The following GALNTL6 variants were observed in gnomAD, a reference collection of about 807,000 sequenced individuals.
GALNTL6 encodes the protein polypeptide N-acetylgalactosaminyltransferase like 6.
Under a neutral mutation model 73.7 loss-of-function variants are expected in GALNTL6, and 46 were observed. That is an observed-to-expected ratio of 0.62 (90% CI 0.49 to 0.80). GALNTL6 has a LOEUF of 0.80. GALNTL6 is among the 30% of genes least tolerant of loss of function. The pLI, the probability that GALNTL6 is intolerant of heterozygous loss-of-function variation, is 0.00. For missense variants in GALNTL6, 604 were observed against 755.0 expected, an observed-to-expected ratio of 0.80 and a Z score of 2.34; for synonymous variants, 259 against 263.7, an observed-to-expected ratio of 0.98 and a Z score of 0.17.
chr4:172,182,947 A>G (rs2060976344), intron 2 of GALNTL6, among the ~76,000 whole-genome samples: 1 of 152,170 alleles, frequency 6.6e-6, no homozygotes, highest in Non-Finnish European at 1.5e-5. Flanking sequence ...CATTCGCTCA[A>G]GGCCTTTGGG....
At chr4:172,269,306 C>A (rs1475198129) in intron 3 of GALNTL6, among the ~76,000 whole-genome samples, 1 of 152,114 alleles carries the variant, frequency 6.6e-6, no homozygotes, top group Non-Finnish European at 1.5e-5. Context: ...AGGTAAAAAT[C>A]AAGATATGGC....
At chr4:173,020,720 A>T (rs962749228) in intron 11 of GALNTL6, among the ~76,000 whole-genome samples, 1 of 152,222 alleles carries the variant, frequency 6.6e-6, no homozygotes, top group African/African-American at 2.4e-5. Flanking sequence ...AAATTTGGGC[A>T]AACTGTGTAG....
At chr4:172,180,080 T>C (rs865951686) in intron 2 of GALNTL6, among the ~76,000 whole-genome samples, 5 of 152,346 alleles carry the variant, frequency 3.3e-5, no homozygotes, top group South Asian at 2.1e-4. Flanking sequence ...AAAGTGTTCC[T>C]GTTTCTCCAC....
At chr4:172,691,308 G>A (rs565734508) in intron 5 of GALNTL6, among the ~76,000 whole-genome samples, 2 of 152,154 alleles carry the variant, frequency 1.3e-5, no homozygotes, top group Non-Finnish European at 2.9e-5. Context: ...GATAAATAAG[G>A]TTGAGAAAAC....
chr4:172,191,382 C>T (rs1467558852), intron 2 of GALNTL6, among the ~76,000 whole-genome samples: 4 of 152,164 alleles, frequency 2.6e-5, no homozygotes, highest in Non-Finnish European at 5.9e-5. Flanking sequence ...CAACTGCCCT[C>T]CCTGGAAACT....
chr4:172,334,154 C>A (rs1031439240), intron 4 of GALNTL6, among the ~76,000 whole-genome samples: 2 of 152,092 alleles, frequency 1.3e-5, no homozygotes, highest in Non-Finnish European at 2.9e-5. Flanking sequence ...GTTACTATAG[C>A]CTTGTAATAT....
At chr4:172,364,529 A>G (rs1331569465) in intron 5 of GALNTL6, among the ~76,000 whole-genome samples, 1 of 152,076 alleles carries the variant, frequency 6.6e-6, no homozygotes, top group African/African-American at 2.4e-5. Flanking sequence ...AAATTGAAAA[A>G]CCCTTTGATC....
chr4:172,260,715 A>G (rs776747125), intron 3 of GALNTL6, among the ~76,000 whole-genome samples: 1 of 151,576 alleles, frequency 6.6e-6, no homozygotes. Context: ...ACTTTTCCCC[A>G]TTCAGTATAA....
intron 7 of GALNTL6, among the ~76,000 whole-genome samples, chr4:172,815,974 C>T (rs921053862): frequency 6.6e-6 from 1 of 152,294 alleles, no homozygotes; most frequent in East Asian, 1.9e-4. Context: ...AGCAGCGTAT[C>T]GGCAATTTCA....
intron 2 of GALNTL6, among the ~76,000 whole-genome samples, chr4:171,896,625 G>T (rs1736924879): frequency 6.6e-6 from 1 of 152,166 alleles, no homozygotes; most frequent in African/African-American, 2.4e-5. Context: ...TGGTGGAAAG[G>T]ATAAGAGGTC....
At chr4:173,009,795 C>T (rs1262764341) in intron 11 of GALNTL6, among the ~76,000 whole-genome samples, 2 of 152,138 alleles carry the variant, frequency 1.3e-5, no homozygotes, top group Non-Finnish European at 2.9e-5. Context: ...AGCAACAGCA[C>T]CCCAACATGG....
intron 5 of GALNTL6, among the ~76,000 whole-genome samples, chr4:172,384,865 G>A (rs989203075): frequency 1.3e-4 from 20 of 151,948 alleles, no homozygotes; most frequent in African/African-American, 4.8e-4. Context: ...TTCTGTTTCA[G>A]CCTCTGAGTA....
chr4:172,923,141 A>C (rs751907428), intron 8 of GALNTL6, among the ~76,000 whole-genome samples: 1 of 152,168 alleles, frequency 6.6e-6, no homozygotes, highest in Admixed American at 6.5e-5. Context: ...AGAGTTTATT[A>C]GTTTGTTTTC....
intron 2 of GALNTL6, among the ~76,000 whole-genome samples, chr4:171,852,518 T>TTATA (rs35838041): frequency 0.025 from 3,787 of 149,202 alleles, 69 homozygotes; most frequent in Non-Finnish European, 0.036. Flanking sequence ...TTAGCTTTCT[T>TTATA]TATATATATA....
At chr4:172,365,140 C>T (rs756179418) in intron 5 of GALNTL6, among the ~76,000 whole-genome samples, 2 of 152,168 alleles carry the variant, frequency 1.3e-5, no homozygotes, top group Non-Finnish European at 2.9e-5. Context: ...AGCACACTCT[C>T]TTAAAGACTA....
At chr4:172,206,970 A>C (rs1020599838) in intron 2 of GALNTL6, among the ~76,000 whole-genome samples, 26 of 150,508 alleles carry the variant, frequency 1.7e-4, no homozygotes, top group African/African-American at 4.4e-4. Flanking sequence ...GGCACCCACC[A>C]CCACGCCCGG....
At chr4:172,707,684 A>C (rs184570503) in intron 5 of GALNTL6, among the ~76,000 whole-genome samples, 5 of 152,272 alleles carry the variant, frequency 3.3e-5, no homozygotes, top group Admixed American at 2.6e-4. Flanking sequence ...AGACTGTTGT[A>C]ATAGAGAGGG....
chr4:172,569,064 T>C (rs773996418), intron 5 of GALNTL6, among the ~76,000 whole-genome samples: 15 of 152,186 alleles, frequency 9.9e-5, no homozygotes, highest in Non-Finnish European at 1.8e-4. Context: ...CAGAACTCAG[T>C]TGAAGAAAGA....
At chr4:172,098,205 A>G (rs1257138150) in intron 2 of GALNTL6, among the ~76,000 whole-genome samples, 3 of 152,124 alleles carry the variant, frequency 2.0e-5, no homozygotes, top group African/African-American at 7.2e-5. Flanking sequence ...ATATCTATGT[A>G]TATATATAGG....
Sources: gnomAD v4.1 joint callset for allele counts (sites outside exome capture counted in the v4.1 genomes callset) on GRCh38, gnomAD v4.1.1 for gene constraint, MANE v1.5 for transcripts, NCBI Gene and HGNC (gene_info 2026-07-23, HGNC 2026-07-21) for gene names.